Variants in UGGT2 observed in about 807,000 individuals in gnomAD.
The protein encoded by UGGT2 is UDP-glucose glycoprotein glucosyltransferase 2, also known as UDP-glucose:glycoprotein glucosyltransferase 2.
In UGGT2, 180 loss-of-function variants were observed where a neutral mutation model predicts 192.1. That is an observed-to-expected ratio of 0.94 (90% CI 0.83 to 1.06). UGGT2 has a LOEUF of 1.06. Ranked by LOEUF, UGGT2 falls within the 50% of genes least tolerant of loss-of-function variation. The pLI, the probability that UGGT2 is intolerant of heterozygous loss-of-function variation, is 0.00. For missense variants in UGGT2, 1,849 were observed against 1,795.7 expected, an observed-to-expected ratio of 1.03 and a Z score of -0.54; for synonymous variants, 580 against 591.0, an observed-to-expected ratio of 0.98 and a Z score of 0.27.
In UGGT2 at chr13:95,887,839, C is replaced by T. The variant is rs931880112; in HGVS notation, c.3038+53G>A. On this transcript the variant is annotated intron_variant, in intron 26 of 38. Coordinates refer to ENST00000376747, the MANE Select transcript of UGGT2 (RefSeq NM_020121.4). Reference sequence around the variant, plus strand: ...GTCCAGTAACAATGATTGTTTTTTTCTTCTCAGCATTTACAAATTTTTCAA... The same window carrying T: ...GTCCAGTAACAATGATTGTTTTTTTTTTCTCAGCATTTACAAATTTTTCAA... 31 of 1,118,426 alleles carry T rather than the reference C, an allele frequency of 2.8e-5. No homozygotes were observed. In the African/African-American group the frequency reaches 3.6e-4, roughly 13 times the overall value. The allele number at this position is 1,118,426 out of a possible 1,614,324, so 69.3% of individuals were successfully genotyped here. A position where few individuals can be genotyped will look rare whatever the true frequency, so the allele number is the denominator to read the frequency against.
chr13:95,823,852 T>C (rs1370650058), intron 38 of UGGT2, among the ~76,000 whole-genome samples: 1 of 152,056 alleles, frequency 6.6e-6, no homozygotes, highest in African/African-American at 2.4e-5. Flanking sequence ...ACAGGCTCTG[T>C]GAGTTTTTTA....
intron 5 of UGGT2, among the ~76,000 whole-genome samples, chr13:96,003,953 T>C (rs1042453964): frequency 3.9e-5 from 6 of 152,188 alleles, no homozygotes; most frequent in Admixed American, 3.3e-4. Context: ...AAGGAAGAGA[T>C]GACAGATTCC....
chr13:95,816,326 G>A (rs1412514817), intron 38 of UGGT2, among the ~76,000 whole-genome samples: 1 of 152,182 alleles, frequency 6.6e-6, no homozygotes, highest in Non-Finnish European at 1.5e-5. Context: ...TATGTTGTTA[G>A]TTAGAATGTT....
chr13:95,863,064 T>C (rs942283652), intron 31 of UGGT2, among the ~76,000 whole-genome samples: 6 of 152,124 alleles, frequency 3.9e-5, no homozygotes, highest in African/African-American at 1.4e-4. Flanking sequence ...GGTCTCACTA[T>C]GTTGCCCAGG....
chr13:95,881,153 T>C (rs773884059), intron 27 of UGGT2, among the ~76,000 whole-genome samples: 1 of 152,138 alleles, frequency 6.6e-6, no homozygotes, highest in African/African-American at 2.4e-5. Flanking sequence ...ATCACGCCAC[T>C]GCACTCCAGT....
At chr13:96,022,090 A>G (rs1005371657) in intron 4 of UGGT2, among the ~76,000 whole-genome samples, 1 of 152,076 alleles carries the variant, frequency 6.6e-6, no homozygotes, top group African/African-American at 2.4e-5. Context: ...ATAAATATTA[A>G]AACAGTATGG....
At chr13:95,981,818 C>G (rs2051135357) in intron 10 of UGGT2, among the ~76,000 whole-genome samples, 1 of 152,196 alleles carries the variant, frequency 6.6e-6, no homozygotes, top group Non-Finnish European at 1.5e-5. Context: ...CAACCACCCT[C>G]TTCCCCAAGG....
At chr13:95,939,476 C>CTTT (rs35091779) in intron 16 of UGGT2, among the ~76,000 whole-genome samples, 2 of 109,136 alleles carry the variant, frequency 1.8e-5, no homozygotes, top group Non-Finnish European at 3.7e-5. Context: ...GAGTTGTTGC[C>CTTT]TTTTTTTTTT....
intron 12 of UGGT2, among the ~76,000 whole-genome samples, chr13:95,951,325 T>C (rs990170318): frequency 3.3e-5 from 5 of 152,350 alleles, no homozygotes; most frequent in African/African-American, 9.6e-5. Flanking sequence ...TTTGAGCAGT[T>C]AGAAGAAAGA....
Position 95,916,286 on chromosome 13 carries a change from C to T in UGGT2, c.2295+9394G>A, listed in dbSNP as rs566096264. The stretch of plus-strand genomic sequence containing the variant: ...GAAGCAACTAGGGTCTGGAGTGAAC[C>T]CTCAGCAAACTGCAGCAGCCCTACA... On this transcript the variant is annotated intron_variant, in intron 20 of 38. Transcript: ENST00000376747. Among the ~76,000 whole-genome samples, 7 of 152,198 alleles carry T rather than the reference C, an allele frequency of 4.6e-5. No individual in the cohort carries two copies. In the South Asian group the frequency reaches 1.5e-3, roughly 32 times the overall value.
intron 38 of UGGT2, chr13:95,809,296 T>A: frequency 2.0e-6 from 1 of 511,150 alleles, no homozygotes; most frequent in Non-Finnish European, 3.9e-6. Flanking sequence ...TAAGACATGG[T>A]ATAGGATATT....
At chr13:95,920,989 T>C (rs1349971743) in intron 20 of UGGT2, among the ~76,000 whole-genome samples, 1 of 152,154 alleles carries the variant, frequency 6.6e-6, no homozygotes, top group Non-Finnish European at 1.5e-5. Context: ...GTGATACATA[T>C]ACACCATGGA....
intron 1 of UGGT2, among the ~76,000 whole-genome samples, chr13:96,035,046 A>G (rs923718870): frequency 4.6e-5 from 7 of 152,216 alleles, no homozygotes; most frequent in Non-Finnish European, 1.0e-4. Context: ...ATCCTGTGAC[A>G]AAACTACCAC....
At chr13:95,891,464 C>A (rs1229675983) in intron 24 of UGGT2, among the ~76,000 whole-genome samples, 1 of 152,110 alleles carries the variant, frequency 6.6e-6, no homozygotes, top group Non-Finnish European at 1.5e-5. Flanking sequence ...CCTCTCCTCA[C>A]CTCATTCCCT....
intron 21 of UGGT2, 152 bp downstream of exon 21, chr13:95,902,702 T>C (rs183151542): frequency 9.8e-5 from 73 of 745,342 alleles, no homozygotes; most frequent in Non-Finnish European, 1.2e-4. Context: ...GTCATATCAT[T>C]TAATGTTTAT....
At chr13:95,817,468 C>A (rs1885018922) in intron 38 of UGGT2, among the ~76,000 whole-genome samples, 1 of 151,986 alleles carries the variant, frequency 6.6e-6, no homozygotes, top group African/African-American at 2.4e-5. Flanking sequence ...CCTGTGGTCC[C>A]AGATACTTGG....
At position 95,856,294 on chromosome 13, in the gene UGGT2, A is replaced by C. The variant is rs746298339; in HGVS notation, c.3872T>G (p.Leu1291Arg). 1.2e-6 allele frequency: 2 copies of C among 1,612,848 alleles called. No individual in the cohort carries two copies. Among genetic ancestry groups the C allele is most frequent in the East Asian group, 4.5e-5 (2 of 44,800 alleles). The change falls in exon 34 of 39, where the codon CTA (leucine) becomes CGA (arginine). Residue 1291 changes from leucine (L) to arginine (R), a missense_variant. By Grantham distance (102) the Leu-to-Arg change is moderately radical. Transcript: ENST00000376747. ...CCAACGGGGCCACCTATATTGAACT[A>C]GTTCATATCGGAATCCATACTCTTT... ...MAKEYGFRYE[L>R]VQYRWPRWLR...
At chr13:95,962,380 T>C (rs1209185550) in intron 12 of UGGT2, among the ~76,000 whole-genome samples, 2 of 151,890 alleles carry the variant, frequency 1.3e-5, no homozygotes, top group African/African-American at 4.8e-5. Flanking sequence ...ACTGATATCA[T>C]ATAAACAAAA....
intron 17 of UGGT2, among the ~76,000 whole-genome samples, chr13:95,930,191 T>C (rs2140462913): frequency 6.6e-6 from 1 of 152,316 alleles, no homozygotes; most frequent in African/African-American, 2.4e-5. Context: ...GGATATACAG[T>C]TTGTGAATAT....
Sources: allele counts gnomAD v4.1 joint callset (sites outside exome capture counted in the v4.1 genomes callset), GRCh38; gene constraint gnomAD v4.1.1; transcripts MANE v1.5; gene names NCBI Gene and HGNC (gene_info 2026-07-23, HGNC 2026-07-21).